Variants in MAPK13 observed in about 807,000 individuals in gnomAD.
The protein encoded by MAPK13 is MAP kinase 13.
In MAPK13, 39 loss-of-function variants were observed where a neutral mutation model predicts 53.5. The observed-to-expected ratio is 0.73, with a 90% CI of 0.56 to 0.95. MAPK13 has a LOEUF of 0.95. MAPK13 is among the 40% of genes least tolerant of loss of function. The pLI, the probability that MAPK13 is intolerant of heterozygous loss-of-function variation, is 0.00. For missense variants in MAPK13, 460 were observed against 471.8 expected, an observed-to-expected ratio of 0.98 and a Z score of 0.23; for synonymous variants, 179 against 190.9, an observed-to-expected ratio of 0.94 and a Z score of 0.51.
chr6:36,134,824 G>T (rs1159268780), intron 3 of MAPK13, among the ~76,000 whole-genome samples: 1 of 152,110 alleles, frequency 6.6e-6, no homozygotes. Context: ...GACCAGCCTG[G>T]CCAACATGGC....
At position 36,130,572 on chromosome 6, in the gene MAPK13, G is replaced by C. The variant is rs1581877361; in HGVS notation, c.-11G>C. The stretch of plus-strand genomic sequence containing the variant: ...CCGCCACGCTGGGGCCGCCGAGATC[G>C]GGTGCCCGGGATGAGCCTCATCCGG... On this transcript the variant is annotated 5_prime_UTR_variant, in exon 1 of 12. Coordinates refer to ENST00000211287, the MANE Select transcript of MAPK13 (RefSeq NM_002754.5). This position sits in a 1 kb window ranked among gnomAD's most constrained non-coding sequence, Gnocchi z 4.5. The C allele has an allele frequency of 6.8e-7, 1 of 1,466,060 alleles. No individual in the cohort carries two copies. Among genetic ancestry groups the C allele is most frequent in the Non-Finnish European group, 9.3e-7 (1 of 1,076,914 alleles). 90.8% of individuals were successfully genotyped at this position (1,466,060 alleles called of 1,614,324 possible).
chr6:36,133,079 T>A (rs563428136), intron 3 of MAPK13, among the ~76,000 whole-genome samples: 1 of 152,376 alleles, frequency 6.6e-6, no homozygotes, highest in Non-Finnish European at 1.5e-5. Flanking sequence ...CTTGGCTGCC[T>A]CTGGCTGATG....
Position 36,138,442 on chromosome 6 carries a change from G to A in MAPK13, c.760G>A (p.Ala254Thr). The A allele has an allele frequency of 6.2e-7, 1 of 1,613,938 alleles. No individual in the cohort carries two copies. ...GTTTGTGCAGAAGCTGAACGACAAAGCGGTGGGTGGTAAATGGGACCTAGG... is the reference window on the plus strand; with the variant it reads ...GTTTGTGCAGAAGCTGAACGACAAAACGGTGGGTGGTAAATGGGACCTAGG... The part of the protein sequence containing the change: ...TEFVQKLNDK[A>T]AKSYIQSLPQ... The change falls in exon 9 of 12, where the codon GCG becomes ACG. Residue 254 changes from alanine (A) to threonine (T), a missense_variant and splice_region_variant. By Grantham distance (58) the Ala-to-Thr change is moderately conservative. Coordinates refer to ENST00000211287, the MANE Select transcript of MAPK13 (RefSeq NM_002754.5).
chr6:36,135,090 C>T (rs1766390543), intron 3 of MAPK13, among the ~76,000 whole-genome samples: 1 of 152,252 alleles, frequency 6.6e-6, no homozygotes, highest in African/African-American at 2.4e-5. Flanking sequence ...TCGCCTCAAG[C>T]GATCGTCCAG....
rs1237469874 is a variant in MAPK13 at position 36,130,830 on chromosome 6, C to T, written c.119+129C>T. On this transcript the variant is annotated intron_variant, in intron 1 of 11. Transcript: ENST00000211287. The surrounding 1 kb of genome is among the most constrained non-coding windows in gnomAD (Gnocchi z 4.5). ...GGACCTCAAGGCCCAGCGCCCTCCC[C>T]GGGGCCACCCAGCGGCCATCTCCCT... is the stretch of plus-strand genomic sequence containing the variant. 1 of 531,288 alleles carries T rather than the reference C, an allele frequency of 1.9e-6. No homozygotes were observed. The highest frequency in any genetic ancestry group is 2.0e-5 in the African/African-American group (1 of 48,868). The allele number at this position is 531,288 out of a possible 1,614,324, so 32.9% of individuals were successfully genotyped here. A position where few individuals can be genotyped will look rare whatever the true frequency, so the allele number is the denominator to read the frequency against.
At position 36,130,658 on chromosome 6, in the gene MAPK13, G is replaced by A. The variant is rs751593993; in HGVS notation, c.76G>A (p.Val26Met). 8 of 1,577,216 alleles carry A rather than the reference G, an allele frequency of 5.1e-6. No individual in the cohort carries two copies. Among genetic ancestry groups the A allele is most frequent in the East Asian group, 5.1e-5 (2 of 39,110 alleles). The change falls in exon 1 of 12, where the codon GTG becomes ATG. Residue 26 changes from valine to methionine, a missense_variant. By Grantham distance (21) the Val-to-Met change is conservative. Transcript: ENST00000211287. The surrounding 1 kb of genome is among the most constrained non-coding windows in gnomAD (Gnocchi z 4.5). ...AGCCTGGGAGCTGCCCAAGACCTAC[G>A]TGTCCCCGACGCACGTCGGCAGCGG... ...KTAWELPKTY[V>M]SPTHVGSGAY...
Position 36,130,848 on chromosome 6 carries a change from A to C in MAPK13, c.119+147A>C. The C allele has an allele frequency of 1.9e-6, 1 of 521,456 alleles. No individual in the cohort carries two copies. The highest frequency in any genetic ancestry group is 3.4e-6 in the Non-Finnish European group (1 of 295,686). The allele number at this position is 521,456 out of a possible 1,614,324, so 32.3% of individuals were successfully genotyped here. ...CCCTCCCCGGGGCCACCCAGCGGCC[A>C]TCTCCCTTTTCTCACCGAGTGGCTG... On this transcript the variant is annotated intron_variant, in intron 1 of 11. Coordinates refer to ENST00000211287, the MANE Select transcript of MAPK13 (RefSeq NM_002754.5). The surrounding 1 kb of genome is among the most constrained non-coding windows in gnomAD (Gnocchi z 4.5).
At position 36,130,557 on chromosome 6, in the gene MAPK13, G is replaced by T. The variant is rs747660733; in HGVS notation, c.-26G>T. The T allele has an allele frequency of 8.4e-6, 11 of 1,317,284 alleles. No individual in the cohort carries two copies. The highest frequency in any genetic ancestry group is 2.1e-4 in the Middle Eastern group (1 of 4,694). 81.6% of individuals were successfully genotyped at this position (1,317,284 alleles called of 1,614,324 possible). A position where few individuals can be genotyped will look rare whatever the true frequency, so the allele number is the denominator to read the frequency against. Reference sequence around the variant, plus strand: ...GGGCCGCGAACGCAGCCGCCACGCTGGGGCCGCCGAGATCGGGTGCCCGGG... The same window carrying T: ...GGGCCGCGAACGCAGCCGCCACGCTTGGGCCGCCGAGATCGGGTGCCCGGG... On this transcript the variant is annotated 5_prime_UTR_variant, in exon 1 of 12. Transcript: ENST00000211287. The surrounding 1 kb of genome is among the most constrained non-coding windows in gnomAD (Gnocchi z 4.5).
chr6:36,131,705 G>T (rs754843651), intron 2 of MAPK13, among the ~76,000 whole-genome samples: 1 of 152,222 alleles, frequency 6.6e-6, no homozygotes, highest in Non-Finnish European at 1.5e-5. Flanking sequence ...GTGGCCAGCT[G>T]GGACTAGAAT....
At chr6:36,132,846 G>A (rs1766347419) in intron 3 of MAPK13, among the ~76,000 whole-genome samples, 167 bp downstream of exon 3, 1 of 152,204 alleles carries the variant, frequency 6.6e-6, no homozygotes, top group Non-Finnish European at 1.5e-5. Flanking sequence ...CTGGAAAGAT[G>A]CTTTTAGCCA....
chr6:36,132,288 T>C (rs1766337007), intron 2 of MAPK13, among the ~76,000 whole-genome samples: 1 of 152,158 alleles, frequency 6.6e-6, no homozygotes, highest in South Asian at 2.1e-4. Flanking sequence ...ACCCTCCCCT[T>C]ATGCTTTCCT....
At position 36,136,949 on chromosome 6, in the gene MAPK13, T is replaced by C. The variant is rs73413639; in HGVS notation, c.681T>C (p.Asp227=). Residue 227 remains aspartate (D), a splice_region_variant and synonymous_variant, in exon 8 of 12, where the codon GAT becomes GAC. Transcript: ENST00000211287. ...LTGKTLFKGK[D]YLDQLTQILK... Reference sequence around the variant, plus strand: ...GGAAAACTCTGTTCAAGGGGAAAGATTGTATCCTTTGCTGGAAAAGCCAAA... The same window carrying C: ...GGAAAACTCTGTTCAAGGGGAAAGACTGTATCCTTTGCTGGAAAAGCCAAA... 685 of 1,613,850 alleles carry C rather than the reference T, an allele frequency of 4.2e-4. 1 individual carries two copies. The African/African-American group carries it at 8.0e-3, about 19-fold the overall frequency.
chr6:36,130,523 GA>G lies in MAPK13; in HGVS notation c.-59del. 1.2e-6 allele frequency: 1 copy of G among 805,580 alleles called. No individual in the cohort carries two copies. The highest frequency in any genetic ancestry group is 1.9e-6 in the Non-Finnish European group (1 of 527,404). 49.9% of individuals were successfully genotyped at this position (805,580 alleles called of 1,614,324 possible). On this transcript the variant is annotated 5_prime_UTR_variant, in exon 1 of 12. Transcript: ENST00000211287. This position sits in a 1 kb window ranked among gnomAD's most constrained non-coding sequence, Gnocchi z 4.5. ...GGCGCAGCGGGGGTCGGGGCGCTGG[GA>G]GCCCGTTGGGCCGCGAACGCAGCCG...
intron 11 of MAPK13, 118 bp downstream of exon 11, chr6:36,139,173 T>G (rs558948353): frequency 2.2e-6 from 3 of 1,395,130 alleles, no homozygotes; most frequent in South Asian, 2.6e-5. Context: ...TGGTGGGCAT[T>G]GTCTCCTGGG....
At chr6:36,136,195 C>T (rs1220826669) in intron 5 of MAPK13, 147 bp downstream of exon 5, 1 of 951,868 alleles carries the variant, frequency 1.1e-6, no homozygotes, top group Admixed American at 2.4e-5. Context: ...CAGCCACGGC[C>T]CAGGAAGGCC....
chr6:36,139,088 C>T (rs767271483), intron 11 of MAPK13, 33 bp downstream of exon 11: 24 of 1,546,450 alleles, frequency 1.6e-5, no homozygotes, highest in Middle Eastern at 1.8e-4. Flanking sequence ...TCCTCGCCTC[C>T]GCCTGCAGCC....
chr6:36,137,095 CG>C, intron 8 of MAPK13, 145 bp downstream of exon 8: 2 of 714,714 alleles, frequency 2.8e-6, no homozygotes, highest in Non-Finnish European at 4.6e-6. Context: ...TAAGGCTGGA[CG>C]CAGTGGTTCA....
At position 36,139,042 on chromosome 6, in the gene MAPK13, G is replaced by A. The variant is rs1431188319; in HGVS notation, c.1005G>A (p.Val335=). The change falls in exon 11 of 12, where the codon GTG becomes GTA. Residue 335 remains valine (V), a synonymous_variant. Coordinates refer to ENST00000211287, the MANE Select transcript of MAPK13 (RefSeq NM_002754.5). ...CCTTAGAACACGAGAAACTCACAGT[G>A]GATGAATGGAAGCGTAAGAGCTGGG... ...DDSLEHEKLT[V]DEWKQHIYKE... 1 of 1,599,114 alleles carries A rather than the reference G, an allele frequency of 6.3e-7. No homozygotes were observed. The highest frequency in any genetic ancestry group is 1.1e-5 in the South Asian group (1 of 89,058).
At chr6:36,137,958 CA>C (rs35527328) in intron 8 of MAPK13, among the ~76,000 whole-genome samples, 54 of 83,384 alleles carry the variant, frequency 6.5e-4, no homozygotes, top group Admixed American at 1.2e-3. Context: ...GACCCTGTCT[CA>C]AAAAAAAAAA....
Sources: gnomAD v4.1 joint callset for allele counts (sites outside exome capture counted in the v4.1 genomes callset) on GRCh38, gnomAD v4.1.1 for gene constraint, Gnocchi (gnomAD v3.1) non-coding constraint, MANE v1.5 for transcripts, NCBI Gene and HGNC (gene_info 2026-07-23, HGNC 2026-07-21) for gene names.